Variants in MACF1 observed in about 807,000 individuals in gnomAD.
The protein encoded by MACF1 is microtubule actin crosslinking factor 1.
Under a neutral mutation model 854.8 loss-of-function variants are expected in MACF1, and 193 were observed. The ratio of observed to expected loss-of-function variants is 0.23; its 90% CI spans 0.20 to 0.25. The LOEUF is 0.25. Ranked by LOEUF, MACF1 falls within the 10% of genes least tolerant of loss-of-function variation. The pLI, the probability that MACF1 is intolerant of heterozygous loss-of-function variation, is 1.00. For missense variants in MACF1, 7,722 were observed against 8,929.1 expected (o/e 0.86, Z 5.45); for synonymous variants, 3,185 against 3,226.7 (o/e 0.99, Z 0.44).
chr1:39,090,449 G>A (rs907954190), intron 2 of MACF1, among the ~76,000 whole-genome samples: 4 of 152,238 alleles, frequency 2.6e-5, no homozygotes, highest in African/African-American at 4.8e-5. Flanking sequence ...ACATGACCAC[G>A]TGGGCAGAAT....
At chr1:39,134,202 G>A (rs568625837) in intron 2 of MACF1, among the ~76,000 whole-genome samples, 128 of 98,032 alleles carry the variant, frequency 1.3e-3, no homozygotes, top group African/African-American at 3.3e-3. Context: ...CACCACGCCC[G>A]GCTAATTTTT....
chr1:39,311,447 C>T (rs1488259559), intron 26 of MACF1, among the ~76,000 whole-genome samples: 6 of 152,124 alleles, frequency 3.9e-5, no homozygotes, highest in African/African-American at 1.4e-4. Context: ...GAGCTCTCAT[C>T]CCTAGTTTAC....
chr1:39,466,287 T>C (rs1644665769), intron 95 of MACF1, among the ~76,000 whole-genome samples: 1 of 152,208 alleles, frequency 6.6e-6, no homozygotes, highest in South Asian at 2.1e-4. Context: ...CAGGTCTCCA[T>C]TTTTAGAGCT....
chr1:39,207,218 A>G (rs377073441), intron 1 of MACF1, among the ~76,000 whole-genome samples: 25 of 148,558 alleles, frequency 1.7e-4, no homozygotes, highest in African/African-American at 2.7e-4. Context: ...TCACTTTTCT[A>G]TTTGTGTTTA....
rs763834318 is a variant in MACF1, at chr1:39,452,836, G to A, written c.20742+24G>A. 1.9e-6 allele frequency: 3 copies of A among 1,611,314 alleles called. No homozygotes were observed. In the Admixed American group the frequency reaches 5.0e-5, roughly 27 times the overall value. ...AGGTAATCCAGCCTTGGGGTTTGGT[G>A]ACCTCATGCTACCTACCACCTTGAG... is the stretch of plus-strand genomic sequence containing the variant. On this transcript the variant is annotated intron_variant, in intron 87 of 100. Transcript: ENST00000564288.
At chr1:39,107,535 C>G (rs1305903331) in intron 2 of MACF1, among the ~76,000 whole-genome samples, 1 of 152,088 alleles carries the variant, frequency 6.6e-6, no homozygotes, top group South Asian at 2.1e-4. Context: ...ATCTCTCTTC[C>G]CCCCACTGCA....
At position 39,102,938 on chromosome 1, in the gene MACF1, G is replaced by A. The variant is rs1315801288; in HGVS notation, c.220+18500G>A. 3 of 701,610 alleles carry A rather than the reference G, an allele frequency of 4.3e-6. No individual in the cohort carries two copies. The Admixed American group carries it at 6.0e-5, about 14-fold the overall frequency. 43.5% of individuals were successfully genotyped at this position (701,610 alleles called of 1,614,324 possible). On this transcript the variant is annotated intron_variant, in intron 2 of 93. Coordinates refer to the MACF1 transcript ENST00000361689. ...CCCTGGCAGCCGCTTTGTTCCTCTA[G>A]CCTTGTAAAATTTTCTCTGTATAAA...
intron 44 of MACF1, among the ~76,000 whole-genome samples, chr1:39,355,849 G>A (rs995888134): frequency 6.6e-6 from 1 of 152,122 alleles, no homozygotes; most frequent in African/African-American, 2.4e-5. Flanking sequence ...TGTAACAGGT[G>A]TGGACTCACC....
intron 1 of MACF1, among the ~76,000 whole-genome samples, chr1:39,216,909 T>C (rs1470184345): frequency 6.6e-6 from 1 of 152,166 alleles, no homozygotes; most frequent in Non-Finnish European, 1.5e-5. Context: ...CACTGTAGAC[T>C]AATAGCTAAG....
chr1:39,330,493 C>T (rs569581711), intron 36 of MACF1, among the ~76,000 whole-genome samples: 1 of 152,174 alleles, frequency 6.6e-6, no homozygotes, highest in Admixed American at 6.6e-5. Context: ...TGTTGTATGG[C>T]GTTGAATTCT....
At chr1:39,338,242 A>G (rs1250393303) in intron 38 of MACF1, among the ~76,000 whole-genome samples, 1 of 113,806 alleles carries the variant, frequency 8.8e-6, no homozygotes, top group Non-Finnish European at 1.9e-5. Context: ...AGACATCAGG[A>G]AAAAGGTTTT....
intron 2 of MACF1, among the ~76,000 whole-genome samples, chr1:39,163,107 C>T (rs1309840586): frequency 1.3e-5 from 2 of 152,076 alleles, no homozygotes; most frequent in African/African-American, 4.8e-5. Flanking sequence ...AATCCCAGCA[C>T]TTTGGGACGC....
At chr1:39,215,115 G>A (rs980068946) in intron 1 of MACF1, 1 of 152,352 alleles carries the variant, frequency 6.6e-6, no homozygotes, top group Non-Finnish European at 1.5e-5. Context: ...TGAACAGCAT[G>A]CAGCATGCTA....
chr1:39,468,762 T>C, intron 96 of MACF1, 30 bp downstream of exon 96: 1 of 1,547,388 alleles, frequency 6.5e-7, no homozygotes, highest in African/African-American at 1.4e-5. Flanking sequence ...ATGAATTACG[T>C]GTTAGGTATG....
At chr1:39,459,309 C>G in intron 91 of MACF1, 60 bp downstream of exon 91, 1 of 1,517,984 alleles carries the variant, frequency 6.6e-7, no homozygotes. Flanking sequence ...CAAAACACAG[C>G]CCTTCTGAGG....
At chr1:39,465,222 G>T (rs927935389) in intron 95 of MACF1, 110 bp downstream of exon 95, 10 of 1,094,126 alleles carry the variant, frequency 9.1e-6, no homozygotes, top group African/African-American at 6.2e-5. Context: ...TGCCTGGGTC[G>T]CACCTGGTTG....
In MACF1 at chr1:39,257,545, G is replaced by A. The variant is rs568268897; in HGVS notation, c.436-391G>A. On this transcript the variant is annotated intron_variant, in intron 5 of 100. Coordinates refer to ENST00000564288, the MANE Select transcript of MACF1 (RefSeq NM_001394062.1). The stretch of plus-strand genomic sequence containing the variant: ...TCTCGATCTCCTGACCTCGTGATCC[G>A]CCTGTCTCAGCCTCCCAAAGTGCTG... 3.6e-5 allele frequency: 6 copies of A among 165,834 alleles called. No homozygotes were observed. In the South Asian group the frequency reaches 4.6e-4, roughly 13 times the overall value. The allele number at this position is 165,834 out of a possible 1,614,324, so 10.3% of individuals were successfully genotyped here.
chr1:39,289,615 G>A (rs1039088451), intron 15 of MACF1, among the ~76,000 whole-genome samples: 2 of 146,176 alleles, frequency 1.4e-5, no homozygotes, highest in Non-Finnish European at 3.0e-5. Flanking sequence ...AGTTGTTTGA[G>A]CTCCTTATAT....
intron 2 of MACF1, among the ~76,000 whole-genome samples, chr1:39,123,543 A>AT (rs1414934925): frequency 4.9e-4 from 69 of 139,908 alleles, no homozygotes; most frequent in Admixed American, 2.9e-4. Context: ...TTCCCAGGTG[A>AT]TTTTTTTTTT....
Sources: gnomAD v4.1 joint callset for allele counts (sites outside exome capture counted in the v4.1 genomes callset) on GRCh38, gnomAD v4.1.1 for gene constraint, MANE v1.5 for transcripts, NCBI Gene and HGNC (gene_info 2026-07-23, HGNC 2026-07-21) for gene names.